Variants in SLC16A12 observed in about 807,000 individuals in gnomAD.
The protein encoded by SLC16A12 is monocarboxylate transporter 12.
In SLC16A12, 17 loss-of-function variants were observed where a neutral mutation model predicts 42.4. That is an observed-to-expected ratio of 0.40 (90% CI 0.27 to 0.60). SLC16A12 has a LOEUF of 0.60. SLC16A12 is among the 20% of genes least tolerant of loss of function. The pLI is 0.42. For synonymous variants in SLC16A12, 224 were observed against 229.4 expected (o/e 0.98, Z 0.21); for missense variants, 544 against 623.0 (o/e 0.87, Z 1.35).
At chr10:89,554,147 A>AAAGAAGGAAGGAAG in intron 2 of SLC16A12, among the ~76,000 whole-genome samples, 1 of 93,044 alleles carries the variant, frequency 1.1e-5, no homozygotes, top group South Asian at 3.3e-4. Context: ...AAGGAAGGAA[A>AAAGAAGGAAGGAAG]GAAAGAAAGA....
rs1261189541 is a variant in SLC16A12, at chr10:89,438,767, A to G, written c.865T>C (p.Ser289Pro). The G allele has an allele frequency of 6.2e-7, 1 of 1,614,208 alleles. No homozygotes were observed. ...CAGCCATAAGCCATAAACAGAACGG[A>G]GACGGCTAACACAACAAAGTCTGAC... ...LMSDFVVLAV[S>P]VLFMAYGCSP... is the part of the protein sequence containing the mutation. The change falls in exon 6 of 8, where the codon TCC becomes CCC. Residue 289 changes from serine to proline, a missense_variant. Physicochemically the swap from Ser to Pro is moderately conservative, Grantham distance 74 (BLOSUM62 -1). Transcript: ENST00000371790.
chr10:89,533,209 G>A (rs1466353631), intron 2 of SLC16A12, among the ~76,000 whole-genome samples: 2 of 150,604 alleles, frequency 1.3e-5, no homozygotes, highest in Non-Finnish European at 2.9e-5. Flanking sequence ...CAGAATTGCA[G>A]GATTGGAAGG....
At chr10:89,533,660 C>T (rs1324532085) in intron 2 of SLC16A12, among the ~76,000 whole-genome samples, 2 of 152,008 alleles carry the variant, frequency 1.3e-5, no homozygotes, top group Non-Finnish European at 2.9e-5. Flanking sequence ...TTACTCCCAT[C>T]TATTTGGACT....
intron 2 of SLC16A12, among the ~76,000 whole-genome samples, chr10:89,548,042 G>A (rs529183325): frequency 7.4e-4 from 113 of 151,886 alleles, no homozygotes; most frequent in African/African-American, 2.5e-3. Flanking sequence ...TATAGGTAGG[G>A]CTGGAACACC....
At chr10:89,539,941 CTTCT>C (rs905780056), upstream of SLC16A12, among the ~76,000 whole-genome samples, 5 of 115,244 alleles carry the variant, frequency 4.3e-5, no homozygotes, top group Non-Finnish European at 9.2e-5. Context: ...TCATTACTTC[CTTCT>C]TTCTCTTTCT....
At chr10:89,478,858 G>C (rs1315147632) in intron 2 of SLC16A12, among the ~76,000 whole-genome samples, 1 of 152,178 alleles carries the variant, frequency 6.6e-6, no homozygotes, top group Non-Finnish European at 1.5e-5. Context: ...AAAGCTTTGA[G>C]TCATTTTGAC....
intron 2 of SLC16A12, among the ~76,000 whole-genome samples, chr10:89,468,354 T>A (rs2133761887): frequency 6.6e-6 from 1 of 152,310 alleles, no homozygotes; most frequent in South Asian, 2.1e-4. Flanking sequence ...GCTATCTTTC[T>A]CTCTTTCTCA....
chr10:89,522,843 G>C (rs1274058975), intron 2 of SLC16A12, among the ~76,000 whole-genome samples: 1 of 152,178 alleles, frequency 6.6e-6, no homozygotes, highest in African/African-American at 2.4e-5. Flanking sequence ...TCTATGTAAG[G>C]TATTTTAACA....
intron 2 of SLC16A12, among the ~76,000 whole-genome samples, chr10:89,550,375 C>A (rs552215382): frequency 1.2e-4 from 19 of 152,006 alleles, no homozygotes; most frequent in African/African-American, 4.1e-4. Context: ...AAAAATTAGA[C>A]GGGTGTGGTG....
In SLC16A12 at chr10:89,453,581, G is replaced by A. The variant is rs546803401; in HGVS notation, c.200+8798C>T. 2.7e-3 allele frequency among the ~76,000 whole-genome samples: 415 copies of A among 152,240 alleles called. 4 individuals are homozygous for A. The highest frequency in any genetic ancestry group is 9.6e-3 in the African/African-American group (398 of 41,536). The stretch of plus-strand genomic sequence containing the variant: ...TCAGTATACAGTAACATGCTGTACC[G>A]GTTTGTAGCTTAGGAGCAATAGGTT... On this transcript the variant is annotated intron_variant, in intron 3 of 7. Coordinates refer to ENST00000371790, the MANE Select transcript of SLC16A12 (RefSeq NM_213606.4).
upstream of SLC16A12, among the ~76,000 whole-genome samples, chr10:89,539,912 T>TCTTTCTTTCTTTCTTTC: frequency 1.5e-5 from 1 of 66,538 alleles, no homozygotes; most frequent in East Asian, 5.4e-4. Flanking sequence ...TTTCTTTCTT[T>TCTTTCTTTCTTTCTTTC]TTTCTTTTTT....
At chr10:89,447,729 C>G (rs937979215) in intron 3 of SLC16A12, among the ~76,000 whole-genome samples, 1 of 152,090 alleles carries the variant, frequency 6.6e-6, no homozygotes. Flanking sequence ...AATTTAAAAG[C>G]TAGCAGAAGG....
chr10:89,440,053 G>A (rs1246483323), intron 5 of SLC16A12, among the ~76,000 whole-genome samples: 1 of 113,624 alleles, frequency 8.8e-6, no homozygotes, highest in Non-Finnish European at 1.7e-5. Flanking sequence ...CCTGAGGACC[G>A]AGCCAGATAG....
At chr10:89,541,588 A>G (rs1302194333) in intron 2 of SLC16A12, among the ~76,000 whole-genome samples, 1 of 152,182 alleles carries the variant, frequency 6.6e-6, no homozygotes, top group Non-Finnish European at 1.5e-5. Context: ...CCCAGTCTCT[A>G]AAAATAGAAA....
At chr10:89,539,848 G>T (rs1318734152), upstream of SLC16A12, among the ~76,000 whole-genome samples, 1 of 113,452 alleles carries the variant, frequency 8.8e-6, no homozygotes, top group Non-Finnish European at 2.0e-5. Flanking sequence ...TAGACACCAA[G>T]AAACAAATTT....
At position 89,436,337 on chromosome 10, in the gene SLC16A12, A is replaced by G. The variant is rs775454551; in HGVS notation, c.1029-18T>C. 5 of 1,614,008 alleles carry G rather than the reference A, an allele frequency of 3.1e-6. No homozygotes were observed. In the South Asian group the frequency reaches 5.5e-5, roughly 18 times the overall value. The stretch of plus-strand genomic sequence containing the variant: ...TCAGACACCTGTAGATTTGAAGAAC[A>G]AGAATAAGTGCAGGAGGTACACATT... On this transcript the variant is annotated intron_variant, in intron 6 of 7. Coordinates refer to ENST00000371790, the MANE Select transcript of SLC16A12 (RefSeq NM_213606.4).
At chr10:89,555,697 A>G (rs1217061542) in intron 2 of SLC16A12, among the ~76,000 whole-genome samples, 1 of 119,720 alleles carries the variant, frequency 8.4e-6, no homozygotes, top group Non-Finnish European at 1.7e-5. Context: ...ACACATATAT[A>G]CATATATATA....
At chr10:89,519,444 A>G (rs1843313739) in intron 2 of SLC16A12, among the ~76,000 whole-genome samples, 1 of 152,128 alleles carries the variant, frequency 6.6e-6, no homozygotes, top group Non-Finnish European at 1.5e-5. Flanking sequence ...ACGTCAATTT[A>G]CTCATAAATT....
At chr10:89,556,334 G>A (rs1843815763) in intron 1 of SLC16A12, among the ~76,000 whole-genome samples, 1 of 152,182 alleles carries the variant, frequency 6.6e-6, no homozygotes, top group African/African-American at 2.4e-5. Context: ...GGAAGAAAAC[G>A]ACTGCAATAT....
Sources: allele counts gnomAD v4.1 joint callset (sites outside exome capture counted in the v4.1 genomes callset), GRCh38; gene constraint gnomAD v4.1.1; transcripts MANE v1.5; gene names NCBI Gene and HGNC (gene_info 2026-07-23, HGNC 2026-07-21).